L3MBTL4: variants seen among roughly 807,000 people sequenced by gnomAD.
L3MBTL4 encodes L3MBTL histone methyl-lysine binding protein 4.
L3MBTL4 carries 70 observed loss-of-function variants against 84.5 expected under a neutral mutation model. The observed-to-expected ratio is 0.83, with a 90% CI of 0.68 to 1.01. The LOEUF is 1.01. Among genes scored for constraint, L3MBTL4 ranks in the 50% least tolerant of loss-of-function variants. The pLI, the probability that L3MBTL4 is intolerant of heterozygous loss-of-function variation, is 0.00. For synonymous variants in L3MBTL4, 274 were observed against 259.8 expected (o/e 1.05, Z -0.52); for missense variants, 715 against 754.8 (o/e 0.95, Z 0.62).
intron 1 of L3MBTL4, among the ~76,000 whole-genome samples, chr18:6,407,783 G>A (rs1305272153): frequency 6.6e-6 from 1 of 152,160 alleles, no homozygotes; most frequent in Non-Finnish European, 1.5e-5. Context: ...CTAGGCTCTG[G>A]AAATAAATGG....
At position 5,957,175 on chromosome 18, in the gene L3MBTL4, T is replaced by A. The variant is rs578092402; in HGVS notation, c.1678-788A>T. On this transcript the variant is annotated intron_variant, in intron 18 of 18. Transcript: ENST00000317931. ...TAAGCAAAAATACACATAAAATAAA[T>A]GTTTTATTTATTAAACTTTAAAAAT... Among the ~76,000 whole-genome samples the A allele has an allele frequency of 2.0e-3, 299 of 152,326 alleles. 1 individual carries two copies. Among genetic ancestry groups the A allele is most frequent in the African/African-American group, 6.7e-3 (280 of 41,568 alleles).
intron 14 of L3MBTL4, among the ~76,000 whole-genome samples, chr18:6,135,617 TA>T (rs1338618358): frequency 6.6e-6 from 1 of 150,540 alleles, no homozygotes; most frequent in South Asian, 2.1e-4. Flanking sequence ...GTCTCTTTGC[TA>T]AAACATAACA....
chr18:6,205,864 G>T (rs573800157), intron 12 of L3MBTL4, among the ~76,000 whole-genome samples: 4 of 152,306 alleles, frequency 2.6e-5, no homozygotes, highest in African/African-American at 9.6e-5. Flanking sequence ...ATTAGTAAGG[G>T]CATTTGGAAT....
intron 16 of L3MBTL4, among the ~76,000 whole-genome samples, chr18:6,040,573 T>C (rs1402634559): frequency 6.6e-6 from 1 of 152,198 alleles, no homozygotes; most frequent in Non-Finnish European, 1.5e-5. Flanking sequence ...TATAATTCAG[T>C]CCCATCTCTG....
At chr18:6,340,189 A>G (rs1029822921) in intron 1 of L3MBTL4, among the ~76,000 whole-genome samples, 2 of 152,230 alleles carry the variant, frequency 1.3e-5, no homozygotes, top group African/African-American at 4.8e-5. Context: ...GCAAGATGGC[A>G]GAATAGCAAA....
intron 16 of L3MBTL4, among the ~76,000 whole-genome samples, chr18:6,034,143 C>CA (rs1489457578): frequency 2.7e-5 from 4 of 148,524 alleles, no homozygotes; most frequent in Middle Eastern, 3.3e-3. Flanking sequence ...TTCTCCCTCG[C>CA]TTTTTTTTTT....
At chr18:6,050,293 T>G (rs2056793293) in intron 16 of L3MBTL4, among the ~76,000 whole-genome samples, 1 of 152,170 alleles carries the variant, frequency 6.6e-6, no homozygotes, top group South Asian at 2.1e-4. Context: ...CCTCATACTC[T>G]CCCACACGAT....
intron 16 of L3MBTL4, among the ~76,000 whole-genome samples, chr18:6,079,528 A>G (rs2057995851): frequency 6.6e-6 from 1 of 152,238 alleles, no homozygotes; most frequent in African/African-American, 2.4e-5. Context: ...AAGAGATTTC[A>G]TCTTTCACAG....
intron 17 of L3MBTL4, among the ~76,000 whole-genome samples, chr18:5,961,092 C>A (rs140942631): frequency 1.3e-5 from 2 of 152,184 alleles, no homozygotes; most frequent in Admixed American, 6.5e-5. Context: ...TCTAGGGGAA[C>A]TGTTTTGCTT....
intron 16 of L3MBTL4, among the ~76,000 whole-genome samples, chr18:5,975,919 A>G (rs2052903153): frequency 6.6e-6 from 1 of 152,216 alleles, no homozygotes; most frequent in South Asian, 2.1e-4. Flanking sequence ...GAATTCATAA[A>G]CGAATATCTG....
intron 4 of L3MBTL4, among the ~76,000 whole-genome samples, chr18:6,297,277 A>G (rs2050145488): frequency 6.6e-6 from 1 of 152,306 alleles, no homozygotes; most frequent in East Asian, 1.9e-4. Context: ...AACAAGAATA[A>G]ACGGTAGAAG....
chr18:5,988,320 T>C (rs1378657996), intron 16 of L3MBTL4, among the ~76,000 whole-genome samples: 1 of 152,242 alleles, frequency 6.6e-6, no homozygotes, highest in Non-Finnish European at 1.5e-5. Flanking sequence ...AATTTTAGGC[T>C]ATGGGATAAC....
At chr18:6,300,281 C>G (rs1289565230) in intron 4 of L3MBTL4, among the ~76,000 whole-genome samples, 1 of 152,170 alleles carries the variant, frequency 6.6e-6, no homozygotes, top group Non-Finnish European at 1.5e-5. Context: ...ACTAGCAGTT[C>G]ATAGTATCTA....
chr18:6,405,048 G>A (rs891634582), intron 1 of L3MBTL4, among the ~76,000 whole-genome samples: 18 of 152,102 alleles, frequency 1.2e-4, no homozygotes, highest in African/African-American at 3.6e-4. Context: ...GCTTAGGCTA[G>A]GGAAAACTTG....
intron 16 of L3MBTL4, among the ~76,000 whole-genome samples, chr18:6,002,658 C>A (rs985466748): frequency 2.0e-5 from 3 of 151,784 alleles, no homozygotes; most frequent in Non-Finnish European, 4.4e-5. Context: ...GTATAATGTA[C>A]ATGGTCATCA....
At chr18:6,266,934 AAAT>A (rs545663526) in intron 4 of L3MBTL4, among the ~76,000 whole-genome samples, 36 of 151,522 alleles carry the variant, frequency 2.4e-4, no homozygotes, top group African/African-American at 7.0e-4. Flanking sequence ...GAAAAAAATA[AAAT>A]AATAATAATA....
At chr18:6,160,739 A>G (rs903487901) in intron 13 of L3MBTL4, among the ~76,000 whole-genome samples, 1 of 151,928 alleles carries the variant, frequency 6.6e-6, no homozygotes, top group East Asian at 1.9e-4. Flanking sequence ...CTCAAAAAAA[A>G]AAAAAAAAAA....
chr18:6,322,919 G>A (rs527479333), intron 1 of L3MBTL4, among the ~76,000 whole-genome samples: 1 of 152,274 alleles, frequency 6.6e-6, no homozygotes, highest in East Asian at 1.9e-4. Flanking sequence ...TGGAGGTGGG[G>A]CCTTGTGGGA....
At chr18:6,157,665 A>G (rs1456427722) in intron 13 of L3MBTL4, among the ~76,000 whole-genome samples, 1 of 151,886 alleles carries the variant, frequency 6.6e-6, no homozygotes, top group African/African-American at 2.4e-5. Context: ...ATGCCTGTTT[A>G]TGTTTAACTG....
Sources: gnomAD v4.1 joint callset for allele counts (sites outside exome capture counted in the v4.1 genomes callset) on GRCh38, gnomAD v4.1.1 for gene constraint, MANE v1.5 for transcripts, NCBI Gene and HGNC (gene_info 2026-07-23, HGNC 2026-07-21) for gene names.